Variants in VPS45 observed in about 807,000 individuals in gnomAD.
VPS45 encodes the protein vacuolar protein sorting 45 homolog, also known as vacuolar protein sorting-associated protein 45.
In VPS45, 35 loss-of-function variants were observed where a neutral mutation model predicts 75.9. The ratio of observed to expected loss-of-function variants is 0.46; its 90% CI spans 0.35 to 0.61. The LOEUF is 0.61. Among genes scored for constraint, VPS45 ranks in the 20% least tolerant of loss-of-function variants. The pLI is 0.00. For missense variants in VPS45, 559 were observed against 685.9 expected (o/e 0.81, Z 2.07); for synonymous variants, 220 against 238.2 (o/e 0.92, Z 0.70).
chr1:150,114,911 A>AAG (rs1245208053), intron 14 of VPS45, among the ~76,000 whole-genome samples: 1 of 151,506 alleles, frequency 6.6e-6, no homozygotes, highest in Non-Finnish European at 1.5e-5. Flanking sequence ...TCTTAAAAAA[A>AAG]AAAAAAAACT....
rs782418643 is a variant in VPS45, at chr1:150,110,642, T to G, written c.1625+15T>G. On this transcript the variant is annotated intron_variant, in intron 14 of 14. Transcript: ENST00000644510. ...AACACGAAAAGGTAAAAGAGAACATTCATTCTACAACTGTGTCCTCTTTCC... is the reference window on the plus strand; with the variant it reads ...AACACGAAAAGGTAAAAGAGAACATGCATTCTACAACTGTGTCCTCTTTCC... 10 of 1,598,966 alleles carry G rather than the reference T, an allele frequency of 6.3e-6. No individual in the cohort carries two copies. Among genetic ancestry groups the G allele is most frequent in the Non-Finnish European group, 8.5e-6 (10 of 1,171,334 alleles).
At chr1:150,107,054 CCTT>C (rs1354794640) in intron 13 of VPS45, among the ~76,000 whole-genome samples, 1 of 152,148 alleles carries the variant, frequency 6.6e-6, no homozygotes, top group South Asian at 2.1e-4. Context: ...CTGAAAATGT[CCTT>C]CTCAGTTGCT....
Position 150,077,686 on chromosome 1 carries a change from A to G in VPS45, c.594A>G (p.Glu198=), listed in dbSNP as rs1553798427. The G allele has an allele frequency of 1.9e-6, 3 of 1,613,720 alleles. No homozygotes were observed. Among genetic ancestry groups the G allele is most frequent in the Non-Finnish European group, 2.5e-6 (3 of 1,179,740 alleles). ...ACCCACAGCAAGTGATAACTAAAGA[A>G]TATGAACTGTTTGAATTCCGTCGGA... The part of the protein sequence containing the change: ...AECVKQVITK[E]YELFEFRRTE... The change falls in exon 7 of 15, where the codon GAA becomes GAG. Residue 198 remains glutamate (E), a synonymous_variant. Coordinates refer to ENST00000644510, the MANE Select transcript of VPS45 (RefSeq NM_007259.5).
chr1:150,123,444 T>A (rs1008332205), intron 14 of VPS45, among the ~76,000 whole-genome samples: 2 of 152,218 alleles, frequency 1.3e-5, no homozygotes, highest in Admixed American at 6.5e-5. Flanking sequence ...TCCACCAAAA[T>A]GAACATTTGC....
intron 14 of VPS45, among the ~76,000 whole-genome samples, chr1:150,129,685 G>A (rs1007934930): frequency 1.4e-4 from 21 of 149,034 alleles, no homozygotes; most frequent in South Asian, 1.1e-3. Context: ...TCAGCCTCCC[G>A]AGTAGCTGGG....
chr1:150,113,373 G>A (rs1409973936), intron 14 of VPS45, among the ~76,000 whole-genome samples: 1 of 152,078 alleles, frequency 6.6e-6, no homozygotes, highest in Non-Finnish European at 1.5e-5. Context: ...ATTATGTACG[G>A]AAAAGTATAT....
At position 150,072,767 on chromosome 1, in the gene VPS45, A is replaced by G. The variant is rs142979835; in HGVS notation, c.289+541A>G. Among the ~76,000 whole-genome samples the G allele has an allele frequency of 4.3e-3, 661 of 152,134 alleles. 2 individuals carry two copies. Among genetic ancestry groups the G allele is most frequent in the Middle Eastern group, 0.034 (10 of 292 alleles). ...AATTTTACATTTTACTTTGCCTTTC[A>G]AGATGCTTTGTAAGTCAAAAGTTTT... On this transcript the variant is annotated intron_variant, in intron 3 of 14. Coordinates refer to ENST00000644510, the MANE Select transcript of VPS45 (RefSeq NM_007259.5).
At position 150,092,083 on chromosome 1, in the gene VPS45, G is replaced by C; in HGVS notation, c.1251G>C (p.Glu417Asp). 1 of 1,613,566 alleles carries C rather than the reference G, an allele frequency of 6.2e-7. No individual in the cohort carries two copies. Among genetic ancestry groups the C allele is most frequent in the South Asian group, 1.1e-5 (1 of 90,918 alleles). The change falls in exon 11 of 15, where the codon GAG becomes GAC. Residue 417 changes from glutamate to aspartate, a missense_variant. Glu to Asp is a conservative substitution (Grantham distance 45). Transcript: ENST00000644510. ...ACCTCAGGAATAAAGGTGTTTCTGA[G>C]AAGTATCGAAAGGTAACCAGTTTCC... ...MMDLRNKGVS[E>D]KYRKLVSAVV... is the part of the protein sequence containing the mutation.
intron 14 of VPS45, among the ~76,000 whole-genome samples, chr1:150,141,048 G>T (rs781963491): frequency 6.6e-6 from 1 of 152,174 alleles, no homozygotes; most frequent in Non-Finnish European, 1.5e-5. Flanking sequence ...ACTGCAAGCC[G>T]TGGAAGTTGA....
At chr1:150,072,016 C>T (rs1655100802) in intron 2 of VPS45, 150 bp from the exon 3 acceptor site, 1 of 416,830 alleles carries the variant, frequency 2.4e-6, no homozygotes, top group Non-Finnish European at 4.4e-6. Flanking sequence ...TCTTTTGTCT[C>T]CAGCCCTTAC....
intron 13 of VPS45, among the ~76,000 whole-genome samples, chr1:150,102,547 C>CAGAA (rs1657099499): frequency 7.0e-6 from 1 of 143,086 alleles, no homozygotes; most frequent in African/African-American, 2.6e-5. Flanking sequence ...AACTCTGTCT[C>CAGAA]AAAAAAAAAA....
At chr1:150,129,543 A>T (rs1363230829) in intron 14 of VPS45, among the ~76,000 whole-genome samples, 1 of 151,676 alleles carries the variant, frequency 6.6e-6, no homozygotes, top group Non-Finnish European at 1.5e-5. Flanking sequence ...ATGTATACAC[A>T]TTTTTTTTAA....
intron 14 of VPS45, chr1:150,142,875 A>G (rs1296393181): frequency 1.8e-5 from 8 of 448,616 alleles, no homozygotes; most frequent in Non-Finnish European, 3.1e-5. Context: ...CTGGTTTCGA[A>G]CTCCTGGGCT....
chr1:150,126,067 A>G (rs1353108769), intron 14 of VPS45, among the ~76,000 whole-genome samples: 2 of 151,766 alleles, frequency 1.3e-5, no homozygotes, highest in Non-Finnish European at 2.9e-5. Context: ...CGGTGGGGAC[A>G]AAGGTTTAAG....
intron 13 of VPS45, among the ~76,000 whole-genome samples, chr1:150,093,970 A>G (rs1306456447): frequency 6.6e-6 from 1 of 152,202 alleles, no homozygotes; most frequent in African/African-American, 2.4e-5. Context: ...ATTGAGGCCA[A>G]AAATAGGCTT....
intron 14 of VPS45, among the ~76,000 whole-genome samples, chr1:150,111,652 G>A (rs1370618375): frequency 6.6e-6 from 1 of 152,034 alleles, no homozygotes; most frequent in Non-Finnish European, 1.5e-5. Context: ...AGATAATTGG[G>A]AGTCATTAAA....
chr1:150,083,116 C>A, intron 10 of VPS45: 1 of 361,138 alleles, frequency 2.8e-6, no homozygotes, highest in Non-Finnish European at 4.9e-6. Context: ...GCCTAGTCTA[C>A]TAGAAAGAGC....
intron 14 of VPS45, among the ~76,000 whole-genome samples, chr1:150,125,398 TGCACA>T (rs1377519666): frequency 1.3e-5 from 2 of 150,568 alleles, no homozygotes; most frequent in Non-Finnish European, 3.0e-5. Flanking sequence ...AGGGTACATG[TGCACA>T]ATGTGCAGGT....
At position 150,081,991 on chromosome 1, in the gene VPS45, C is replaced by T. The variant is rs145369624; in HGVS notation, c.930C>T (p.Asp310=). 3 of 1,597,118 alleles carry T rather than the reference C, an allele frequency of 1.9e-6. No individual in the cohort carries two copies. The East Asian group carries it at 6.7e-5, about 36-fold the overall frequency. ...AGCAAAAACTAGAATCAATAGCAGA[C>T]ATGAAGGTAAATTGAACATGTACAT... is the stretch of plus-strand genomic sequence containing the variant. The part of the protein sequence containing the change: ...KEQQKLESIA[D]MKAFVENYPQ... The change falls in exon 9 of 15, where the codon GAC becomes GAT. Residue 310 remains aspartate (D), a synonymous_variant. Transcript: ENST00000644510.
Sources: gnomAD v4.1 joint callset for allele counts (sites outside exome capture counted in the v4.1 genomes callset) on GRCh38, gnomAD v4.1.1 for gene constraint, MANE v1.5 for transcripts, NCBI Gene and HGNC (gene_info 2026-07-23, HGNC 2026-07-21) for gene names.